RBKS: variants seen among roughly 807,000 people sequenced by gnomAD.
RBKS encodes the protein ribokinase.
A neutral mutation model predicts 33.9 loss-of-function variants in RBKS; 33 were observed. The ratio of observed to expected loss-of-function variants is 0.97; its 90% CI spans 0.74 to 1.30. The LOEUF (loss-of-function observed/expected upper bound fraction) is 1.30, where lower values mean the gene tolerates loss of function less well. RBKS is among the 50% of genes most tolerant of loss of function. The pLI is 0.00. For synonymous variants in RBKS, 125 were observed against 143.0 expected (o/e 0.87, Z 0.90); for missense variants, 361 against 392.6 (o/e 0.92, Z 0.68).
At chr2:27,888,719 A>C (rs1438456758) in intron 1 of RBKS, among the ~76,000 whole-genome samples, 1 of 152,202 alleles carries the variant, frequency 6.6e-6, no homozygotes, top group African/African-American at 2.4e-5. Flanking sequence ...ATGTCTGCAA[A>C]CTATGGCCTG....
chr2:27,846,592 T>C lies in RBKS; in HGVS notation c.349+450A>G, dbSNP rs868823636. 1.4e-4 allele frequency among the ~76,000 whole-genome samples: 22 copies of C among 152,336 alleles called. No homozygotes were observed. In the East Asian group the frequency reaches 1.7e-3, roughly 12 times the overall value. On this transcript the variant is annotated intron_variant, in intron 4 of 7. Transcript: ENST00000302188. ...GACAAAATTGAACACTAACGATAAG[T>C]TGGATGTAATTAGTTGCTGCCATTT... is the stretch of plus-strand genomic sequence containing the variant.
At chr2:27,888,402 C>G (rs1378314877) in intron 1 of RBKS, among the ~76,000 whole-genome samples, 1 of 152,204 alleles carries the variant, frequency 6.6e-6, no homozygotes, top group Non-Finnish European at 1.5e-5. Context: ...GCTGGGATTA[C>G]AGGTATGAGC....
At chr2:27,878,639 TC>T (rs1281085514) in intron 1 of RBKS, among the ~76,000 whole-genome samples, 1 of 152,046 alleles carries the variant, frequency 6.6e-6, no homozygotes, top group Admixed American at 6.6e-5. Flanking sequence ...TAGTTTACAG[TC>T]CCACCAACAG....
rs35109548 is a variant in RBKS at position 27,789,949 on chromosome 2, G to GTATATATATA, written c.796-8171_796-8162dup. ...TGTATATATATATATATGTATATGT[G>GTATATATATA]TATATATATATATATATATATATGT... is the stretch of plus-strand genomic sequence containing the variant. On this transcript the variant is annotated intron_variant, in intron 7 of 7. Transcript: ENST00000302188. Among the ~76,000 whole-genome samples the GTATATATATA allele has an allele frequency of 6.3e-3, 765 of 121,452 alleles. 6 individuals are homozygous for GTATATATATA. The highest frequency in any genetic ancestry group is 9.6e-3 in the African/African-American group (290 of 30,276). 79.7% of individuals were successfully genotyped at this position (121,452 alleles called of 152,430 possible). A position where few individuals can be genotyped will look rare whatever the true frequency, so the allele number is the denominator to read the frequency against.
intron 1 of RBKS, among the ~76,000 whole-genome samples, chr2:27,884,377 G>A (rs1664482577): frequency 6.6e-6 from 1 of 152,134 alleles, no homozygotes; most frequent in Admixed American, 6.5e-5. Flanking sequence ...CCCCCCAGTA[G>A]CTGGGACTAC....
chr2:27,839,293 T>A (rs1023268005), intron 5 of RBKS, among the ~76,000 whole-genome samples: 1 of 152,240 alleles, frequency 6.6e-6, no homozygotes, highest in Non-Finnish European at 1.5e-5. Flanking sequence ...ACTTTGGCAA[T>A]TTTACAATCT....
intron 7 of RBKS, among the ~76,000 whole-genome samples, chr2:27,783,414 A>G (rs529378742): frequency 4.3e-4 from 66 of 152,362 alleles, no homozygotes; most frequent in African/African-American, 1.4e-3. Context: ...TATTATTTCT[A>G]AACCAAATAT....
At chr2:27,847,700 A>G (rs1459823595) in intron 3 of RBKS, among the ~76,000 whole-genome samples, 8 of 152,254 alleles carry the variant, frequency 5.3e-5, no homozygotes, top group African/African-American at 1.9e-4. Context: ...TCTGTGAAAT[A>G]ATGGTTTCAG....
chr2:27,823,645 G>C (rs1237696344), intron 7 of RBKS, among the ~76,000 whole-genome samples: 1 of 152,182 alleles, frequency 6.6e-6, no homozygotes, highest in Non-Finnish European at 1.5e-5. Flanking sequence ...GCTGTGTGCA[G>C]AACAGGTAAG....
chr2:27,884,864 G>A (rs1664496024), intron 1 of RBKS, among the ~76,000 whole-genome samples: 1 of 152,200 alleles, frequency 6.6e-6, no homozygotes, highest in Non-Finnish European at 1.5e-5. Context: ...GAGACTTGAA[G>A]AGAGACAGGA....
At chr2:27,833,576 A>T (rs950465470) in intron 5 of RBKS, among the ~76,000 whole-genome samples, 4 of 152,154 alleles carry the variant, frequency 2.6e-5, no homozygotes, top group Admixed American at 2.6e-4. Flanking sequence ...CTCAGTTCAT[A>T]CATTGGGACA....
intron 7 of RBKS, among the ~76,000 whole-genome samples, chr2:27,826,008 C>T (rs981144592): frequency 1.3e-5 from 2 of 152,116 alleles, no homozygotes; most frequent in Non-Finnish European, 2.9e-5. Flanking sequence ...ACTAAGGATC[C>T]CCTCAAATTC....
intron 5 of RBKS, among the ~76,000 whole-genome samples, chr2:27,840,054 C>T (rs1233261626): frequency 6.9e-6 from 1 of 145,916 alleles, no homozygotes; most frequent in Non-Finnish European, 1.5e-5. Flanking sequence ...GAGTCTCGCT[C>T]TGTCACCCAG....
At chr2:27,843,572 G>A (rs967402919) in intron 4 of RBKS, among the ~76,000 whole-genome samples, 1 of 152,084 alleles carries the variant, frequency 6.6e-6, no homozygotes, top group Non-Finnish European at 1.5e-5. Flanking sequence ...TGCGGTAAAG[G>A]TTCTGAATCC....
chr2:27,808,021 G>A (rs938301687), intron 7 of RBKS, among the ~76,000 whole-genome samples: 2 of 152,188 alleles, frequency 1.3e-5, no homozygotes, highest in African/African-American at 4.8e-5. Context: ...ACACAAATTG[G>A]TATGCCTTCT....
intron 1 of RBKS, among the ~76,000 whole-genome samples, chr2:27,858,993 G>A (rs1272195455): frequency 2.0e-5 from 3 of 152,188 alleles, no homozygotes; most frequent in African/African-American, 7.2e-5. Flanking sequence ...CAAGAAGCAG[G>A]AAGTGTTAAA....
chr2:27,859,759 G>T (rs1334773557), intron 1 of RBKS, among the ~76,000 whole-genome samples: 1 of 151,806 alleles, frequency 6.6e-6, no homozygotes, highest in African/African-American at 2.4e-5. Context: ...GTTCACAATG[G>T]TAAGGCCACT....
At position 27,844,278 on chromosome 2, in the gene RBKS, AAAG is replaced by A. The variant is rs1273772258; in HGVS notation, c.350-1050_350-1048del. On this transcript the variant is annotated intron_variant, in intron 4 of 7. Transcript: ENST00000302188. ...CTCTGTCTCAGAAAAAAAAAAAAAA[AAAG>A]AAATGTGGCTAGTCCACTGAGGTGT... 1.7e-3 allele frequency among the ~76,000 whole-genome samples: 254 copies of A among 151,862 alleles called. 1 individual carries two copies. Among genetic ancestry groups the A allele is most frequent in the African/African-American group, 5.8e-3 (240 of 41,376 alleles).
chr2:27,827,762 T>C lies in RBKS; in HGVS notation c.607-7A>G, dbSNP rs764874447. On this transcript the variant is annotated splice_polypyrimidine_tract_variant and splice_region_variant and intron_variant, in intron 6 of 7. Coordinates refer to ENST00000302188, the MANE Select transcript of RBKS (RefSeq NM_022128.3). ...GGCCAGTTAAAATCTCAGCCTAGAATACACAAAAGTCAACAGAAACAGTGG... is the reference window on the plus strand; with the variant it reads ...GGCCAGTTAAAATCTCAGCCTAGAACACACAAAAGTCAACAGAAACAGTGG... The C allele has an allele frequency of 1.9e-6, 3 of 1,569,124 alleles. No homozygotes were observed. The highest frequency in any genetic ancestry group is 2.6e-6 in the Non-Finnish European group (3 of 1,160,274).
Sources: allele counts gnomAD v4.1 joint callset (sites outside exome capture counted in the v4.1 genomes callset), GRCh38; gene constraint gnomAD v4.1.1; transcripts MANE v1.5; gene names NCBI Gene and HGNC (gene_info 2026-07-23, HGNC 2026-07-21).